MBD5: variants seen among roughly 807,000 people sequenced by gnomAD.
MBD5 encodes methyl-CpG-binding domain protein 5.
MBD5 carries 13 observed loss-of-function variants against 117.3 expected under a neutral mutation model. That is an observed-to-expected ratio of 0.11 (90% CI 0.07 to 0.18). The LOEUF (loss-of-function observed/expected upper bound fraction) is 0.18, where lower values mean the gene tolerates loss of function less well. Ranked by LOEUF, MBD5 falls within the 10% of genes least tolerant of loss-of-function variation. The pLI, the probability that MBD5 is intolerant of heterozygous loss-of-function variation, is 1.00. For missense variants in MBD5, 1,879 were observed against 2,093.8 expected (o/e 0.90, Z 2.00); for synonymous variants, 727 against 766.4 (o/e 0.95, Z 0.85).
chr2:148,333,044 C>T (rs1267672614), intron 3 of MBD5, among the ~76,000 whole-genome samples: 1 of 152,086 alleles, frequency 6.6e-6, no homozygotes. Context: ...TGTCTCTCAG[C>T]AGTACTTTCT....
chr2:148,123,817 A>G (rs1018374948), intron 1 of MBD5, among the ~76,000 whole-genome samples: 34 of 152,230 alleles, frequency 2.2e-4, no homozygotes, highest in African/African-American at 7.2e-4. Context: ...GCAGAAGAGT[A>G]TCCAGTAAAG....
chr2:148,231,242 G>A (rs1408872182), intron 2 of MBD5, among the ~76,000 whole-genome samples: 3 of 152,184 alleles, frequency 2.0e-5, no homozygotes, highest in East Asian at 1.9e-4. Flanking sequence ...TGGGATTGGC[G>A]ATTCCTTTCT....
At chr2:148,319,404 ATTTG>A (rs953407895) in intron 3 of MBD5, among the ~76,000 whole-genome samples, 3 of 152,098 alleles carry the variant, frequency 2.0e-5, no homozygotes, top group Non-Finnish European at 2.9e-5. Flanking sequence ...ATGTTTTTCC[ATTTG>A]TTTGTGTCAT....
chr2:148,182,999 C>A (rs34473356), intron 2 of MBD5, among the ~76,000 whole-genome samples: 15 of 152,300 alleles, frequency 9.8e-5, no homozygotes, highest in African/African-American at 3.6e-4. Context: ...TAAATTAATC[C>A]TGCACTACGA....
Position 148,485,812 on chromosome 2 carries a change from C to T in MBD5, c.3615C>T (p.Asn1205=). 1 of 1,613,974 alleles carries T rather than the reference C, an allele frequency of 6.2e-7. No individual in the cohort carries two copies. ...CTCATCTACAGTCGCTGTTAAACAA[C>T]AATCAGATGTTTCCTCCAAATCAGC... The part of the protein sequence containing the change: ...QLTHLQSLLN[N]NQMFPPNQQQ... Residue 1205 remains asparagine, a synonymous_variant, in exon 10 of 14, where the codon AAC becomes AAT. Transcript: ENST00000642680.
intron 4 of MBD5, among the ~76,000 whole-genome samples, chr2:148,448,561 ATTACT>A (rs1706635032): frequency 6.6e-6 from 1 of 151,970 alleles, no homozygotes; most frequent in Non-Finnish European, 1.5e-5. Flanking sequence ...TAAAGTATAA[ATTACT>A]TTACCTCTGT....
intron 8 of MBD5, 101 bp from the exon 9 acceptor site, chr2:148,483,009 A>G: frequency 7.5e-7 from 1 of 1,340,752 alleles, no homozygotes; most frequent in Non-Finnish European, 1.0e-6. Flanking sequence ...GTGCCATGGA[A>G]CAAATAAATT....
chr2:148,236,951 C>T (rs1700104782), intron 3 of MBD5, among the ~76,000 whole-genome samples: 1 of 152,172 alleles, frequency 6.6e-6, no homozygotes, highest in African/African-American at 2.4e-5. Context: ...CTACTTCCTG[C>T]TTCACTTTGT....
In MBD5 at chr2:148,288,977, TTA is replaced by T. The variant is rs1446259573; in HGVS notation, c.-679-53233_-679-53232del. On this transcript the variant is annotated intron_variant, in intron 3 of 13. Coordinates refer to ENST00000642680, the MANE Select transcript of MBD5 (RefSeq NM_001378120.1). The stretch of plus-strand genomic sequence containing the variant: ...TTTCCAGAGGCTTCATTTTTCTGTA[TTA>T]TATCTTTGACAAATAATTGTGTGCA... 3.9e-5 allele frequency among the ~76,000 whole-genome samples: 6 copies of T among 152,298 alleles called. 1 individual carries two copies. In the East Asian group the frequency reaches 1.2e-3, roughly 29 times the overall value.
chr2:148,355,226 C>A (rs1703350788), intron 4 of MBD5, among the ~76,000 whole-genome samples: 1 of 150,624 alleles, frequency 6.6e-6, no homozygotes, highest in East Asian at 1.9e-4. Context: ...TGTAGGTGGT[C>A]TGTTCATTCT....
chr2:148,027,319 T>A (rs928710243), intron 1 of MBD5: 2 of 152,122 alleles, frequency 1.3e-5, no homozygotes, highest in Middle Eastern at 3.2e-3. Flanking sequence ...ATTTCATATT[T>A]ATACTTAAAA....
Position 148,389,775 on chromosome 2 carries a change from G to C in MBD5, c.-557+47439G>C, listed in dbSNP as rs572079642. 1.4e-3 allele frequency among the ~76,000 whole-genome samples: 210 copies of C among 152,114 alleles called. 2 individuals carry two copies. The highest frequency in any genetic ancestry group is 4.7e-3 in the African/African-American group (196 of 41,506). On this transcript the variant is annotated intron_variant, in intron 4 of 13. Transcript: ENST00000642680. Reference sequence around the variant, plus strand: ...CATGTCCTTGGGCCACTTTTTAATGGAGTTATTCACTTTTTTCTTGTTGAT... The same window carrying C: ...CATGTCCTTGGGCCACTTTTTAATGCAGTTATTCACTTTTTTCTTGTTGAT...
At chr2:148,165,901 T>C (rs1435169083) in intron 1 of MBD5, among the ~76,000 whole-genome samples, 1 of 152,172 alleles carries the variant, frequency 6.6e-6, no homozygotes, top group Non-Finnish European at 1.5e-5. Flanking sequence ...TATTTTGGTT[T>C]AAACATTTGA....
chr2:148,405,660 C>T (rs780883747), intron 4 of MBD5, among the ~76,000 whole-genome samples: 3 of 152,166 alleles, frequency 2.0e-5, no homozygotes, highest in African/African-American at 7.2e-5. Context: ...ATGTACCTTG[C>T]CTTTTACTCT....
At chr2:148,180,676 A>T (rs1298635439) in intron 2 of MBD5, among the ~76,000 whole-genome samples, 1 of 151,930 alleles carries the variant, frequency 6.6e-6, no homozygotes, top group Admixed American at 6.6e-5. Context: ...GATTACATGC[A>T]TGTGCCACCT....
intron 1 of MBD5, among the ~76,000 whole-genome samples, chr2:148,134,893 T>C (rs1697137765): frequency 6.6e-6 from 1 of 152,218 alleles, no homozygotes; most frequent in African/African-American, 2.4e-5. Flanking sequence ...TCATATGTTG[T>C]TTGGTTCAAA....
intron 1 of MBD5, among the ~76,000 whole-genome samples, chr2:148,149,836 A>G (rs1697592510): frequency 6.6e-6 from 1 of 150,926 alleles, no homozygotes. Flanking sequence ...GATCCTGGAT[A>G]TTAGCCCTTT....
chr2:148,022,447 C>CTGA (rs1171225952), intron 1 of MBD5, among the ~76,000 whole-genome samples: 1 of 152,118 alleles, frequency 6.6e-6, no homozygotes, highest in Non-Finnish European at 1.5e-5. Flanking sequence ...ACATACGTTC[C>CTGA]TGATACTTAT....
intron 4 of MBD5, among the ~76,000 whole-genome samples, chr2:148,384,694 C>T (rs1704284325): frequency 6.6e-6 from 1 of 151,952 alleles, no homozygotes; most frequent in African/African-American, 2.4e-5. Context: ...AGGCATCACT[C>T]TACCTGACTT....
Sources: gnomAD v4.1 joint callset for allele counts (sites outside exome capture counted in the v4.1 genomes callset) on GRCh38, gnomAD v4.1.1 for gene constraint, MANE v1.5 for transcripts, NCBI Gene and HGNC (gene_info 2026-07-23, HGNC 2026-07-21) for gene names.